UXS1: variants seen among roughly 807,000 people sequenced by gnomAD.
UXS1 encodes the protein UDP-glucuronic acid decarboxylase 1.
A neutral mutation model predicts 62.6 loss-of-function variants in UXS1; 33 were observed. The ratio of observed to expected loss-of-function variants is 0.53; its 90% CI spans 0.40 to 0.70. UXS1 has a LOEUF of 0.70. UXS1 is among the 30% of genes least tolerant of loss of function. The pLI, the probability that UXS1 is intolerant of heterozygous loss-of-function variation, is 0.00. For synonymous variants in UXS1, 213 were observed against 206.8 expected (o/e 1.03, Z -0.26); for missense variants, 434 against 556.3 (o/e 0.78, Z 2.21).
intron 6 of UXS1, among the ~76,000 whole-genome samples, chr2:106,140,266 G>C (rs1469327434): frequency 1.3e-5 from 2 of 152,060 alleles, no homozygotes; most frequent in Admixed American, 6.6e-5. Flanking sequence ...CCACCGCAGG[G>C]GAAAGAATTT....
At chr2:106,156,608 C>T (rs888743629) in intron 5 of UXS1, among the ~76,000 whole-genome samples, 11 of 152,232 alleles carry the variant, frequency 7.2e-5, no homozygotes, top group Admixed American at 5.2e-4. Context: ...GCTCAGGTTC[C>T]GCATATAAAA....
chr2:106,143,226 G>A (rs1681268173), intron 6 of UXS1, among the ~76,000 whole-genome samples: 1 of 151,304 alleles, frequency 6.6e-6, no homozygotes, highest in African/African-American at 2.4e-5. Context: ...GGCTAACAGG[G>A]TGAAACCCCG....
rs199909177 is a variant in UXS1, at chr2:106,098,705, A to T, written c.1042+11T>A. Reference sequence around the variant, plus strand: ...GTCGATTTTACTCAGGAAATGACTTATCCTACTTACCAACAAGGTTTTTAA... The same window carrying T: ...GTCGATTTTACTCAGGAAATGACTTTTCCTACTTACCAACAAGGTTTTTAA... On this transcript the variant is annotated intron_variant, in intron 13 of 14. Transcript: ENST00000283148. 8.0e-5 allele frequency: 128 copies of T among 1,605,260 alleles called. No individual in the cohort carries two copies. The African/African-American group carries it at 1.4e-3, about 18-fold the overall frequency.
At chr2:106,162,433 A>G (rs1277850707) in intron 4 of UXS1, among the ~76,000 whole-genome samples, 1 of 152,214 alleles carries the variant, frequency 6.6e-6, no homozygotes, top group East Asian at 1.9e-4. Flanking sequence ...TTTTCTTTTC[A>G]TAAATAAATT....
At chr2:106,168,582 G>A (rs559585790) in intron 1 of UXS1, among the ~76,000 whole-genome samples, 107 of 152,228 alleles carry the variant, frequency 7.0e-4, no homozygotes, top group African/African-American at 2.5e-3. Flanking sequence ...CCCCTTTCCT[G>A]TAACACTTAT....
chr2:106,112,818 T>C, intron 9 of UXS1, 53 bp from the exon 10 acceptor site: 1 of 1,577,112 alleles, frequency 6.3e-7, no homozygotes, highest in Non-Finnish European at 8.6e-7. Context: ...GGTCCACGCA[T>C]CCACTTTGCA....
chr2:106,193,331 A>C (rs1330623784), intron 1 of UXS1, among the ~76,000 whole-genome samples: 1 of 152,176 alleles, frequency 6.6e-6, no homozygotes, highest in Non-Finnish European at 1.5e-5. Context: ...TTGGTAACGT[A>C]TTAATAGCAT....
intron 5 of UXS1, among the ~76,000 whole-genome samples, chr2:106,146,482 A>G (rs1681575697): frequency 6.6e-6 from 1 of 152,218 alleles, no homozygotes. Flanking sequence ...GTGAGAGAGT[A>G]AAGCCACCTG....
intron 4 of UXS1, among the ~76,000 whole-genome samples, chr2:106,161,154 T>C (rs540756281): frequency 6.6e-6 from 1 of 151,756 alleles, no homozygotes; most frequent in East Asian, 1.9e-4. Context: ...AAGCACCTGC[T>C]GGACTGACTC....
chr2:106,163,551 T>C (rs1683032484), intron 4 of UXS1, 116 bp downstream of exon 4: 3 of 617,422 alleles, frequency 4.9e-6, no homozygotes, highest in Admixed American at 4.1e-5. Context: ...GTGGGGGAAA[T>C]GCGTATACAG....
chr2:106,145,699 G>A (rs544955668), intron 5 of UXS1, among the ~76,000 whole-genome samples: 42 of 152,060 alleles, frequency 2.8e-4, no homozygotes, highest in Non-Finnish European at 6.0e-4. Flanking sequence ...ATAACAAATG[G>A]GATGCTGGAC....
At chr2:106,164,541 G>C (rs904189333) in intron 3 of UXS1, among the ~76,000 whole-genome samples, 195 bp downstream of exon 3, 3 of 152,170 alleles carry the variant, frequency 2.0e-5, no homozygotes, top group African/African-American at 7.2e-5. Context: ...GGTAGAATTT[G>C]TTTTAATACA....
chr2:106,187,068 T>C (rs945203494), intron 1 of UXS1, among the ~76,000 whole-genome samples: 2 of 151,754 alleles, frequency 1.3e-5, no homozygotes, highest in Non-Finnish European at 2.9e-5. Flanking sequence ...ATAAAATATA[T>C]ACAAAAAAAG....
intron 6 of UXS1, among the ~76,000 whole-genome samples, chr2:106,140,793 C>T (rs950210240): frequency 3.9e-5 from 6 of 152,296 alleles, no homozygotes; most frequent in Middle Eastern, 3.4e-3. Context: ...TTTTCCTGGA[C>T]CTCTTCAACA....
intron 6 of UXS1, among the ~76,000 whole-genome samples, chr2:106,144,150 T>C (rs928803718): frequency 2.0e-5 from 3 of 152,130 alleles, no homozygotes; most frequent in African/African-American, 7.2e-5. Context: ...CCCACAGCAA[T>C]CCCAGGAGGA....
intron 1 of UXS1, among the ~76,000 whole-genome samples, chr2:106,176,803 A>G (rs1259280113): frequency 6.6e-6 from 1 of 152,242 alleles, no homozygotes; most frequent in Non-Finnish European, 1.5e-5. Flanking sequence ...GCGCTTGCTT[A>G]TCAGACCTCC....
At position 106,096,748 on chromosome 2, in the gene UXS1, T is replaced by G. The variant is rs1193602952; in HGVS notation, c.1116A>C (p.Lys372Asn). 1.9e-6 allele frequency: 3 copies of G among 1,585,602 alleles called. No individual in the cohort carries two copies. Among genetic ancestry groups the G allele is most frequent in the Non-Finnish European group, 2.6e-6 (3 of 1,164,304 alleles). ...GCTCCCACCCCAGCATCAGCTTTGCTTTTTTGATGTCTGGTTTTCTTTTCT... is the reference window on the plus strand; with the variant it reads ...GCTCCCACCCCAGCATCAGCTTTGCGTTTTTGATGTCTGGTTTTCTTTTCT... ...DPQKRKPDIK[K>N]AKLMLGWEPV... Residue 372 changes from lysine to asparagine, a missense_variant, in exon 14 of 15, where the codon AAA (lysine) becomes AAC (asparagine). Physicochemically the swap from Lys to Asn is moderately conservative, Grantham distance 94 (BLOSUM62 0). Coordinates refer to ENST00000283148, the MANE Select transcript of UXS1 (RefSeq NM_001253875.2).
chr2:106,122,932 G>A, intron 9 of UXS1, 38 bp downstream of exon 9: 1 of 1,609,730 alleles, frequency 6.2e-7, no homozygotes, highest in Non-Finnish European at 8.5e-7. Context: ...AGGGTGCTCA[G>A]CACGCCTAAA....
rs748615729 is a variant in UXS1, at chr2:106,094,170, AAAGC to A, written c.1147-17_1147-14del. ...CCTCCAGCGGGACCTGTTTAAAGGG[AAAGC>A]AAGAAAGGGAGACAAGGTCACATTG... On this transcript the variant is annotated splice_polypyrimidine_tract_variant and intron_variant, in intron 14 of 14. Transcript: ENST00000283148. 2.9e-5 allele frequency: 46 copies of A among 1,604,456 alleles called. No individual in the cohort carries two copies. In the African/African-American group the frequency reaches 6.2e-4, roughly 21 times the overall value.
Sources: gnomAD v4.1 joint callset for allele counts (sites outside exome capture counted in the v4.1 genomes callset) on GRCh38, gnomAD v4.1.1 for gene constraint, MANE v1.5 for transcripts, NCBI Gene and HGNC (gene_info 2026-07-23, HGNC 2026-07-21) for gene names.